Variants in LRP1B observed in about 807,000 individuals in gnomAD.
LRP1B encodes LDL receptor related protein 1B.
A neutral mutation model predicts 556.6 loss-of-function variants in LRP1B; 217 were observed. That is an observed-to-expected ratio of 0.39 (90% CI 0.35 to 0.44). LRP1B has a LOEUF of 0.44. LRP1B is among the 20% of genes least tolerant of loss of function. The probability of loss-of-function intolerance (pLI) is 1.00; values close to 1 mark genes in which losing one functional copy is unlikely to be tolerated. For missense variants in LRP1B, 5,053 were observed against 5,620.8 expected (o/e 0.90, Z 3.23); for synonymous variants, 2,047 against 1,865.8 (o/e 1.10, Z -2.50).
chr2:141,415,467 T>G (rs1372056430), intron 3 of LRP1B, among the ~76,000 whole-genome samples: 2 of 152,238 alleles, frequency 1.3e-5, no homozygotes. Flanking sequence ...TATATACTAT[T>G]GTGCCCAGAC....
intron 84 of LRP1B, among the ~76,000 whole-genome samples, chr2:140,277,916 G>T (rs2104959393): frequency 6.6e-6 from 1 of 151,846 alleles, no homozygotes; most frequent in East Asian, 2.0e-4. Flanking sequence ...TGTATGTCAA[G>T]AAACATACAC....
intron 1 of LRP1B, among the ~76,000 whole-genome samples, chr2:141,818,149 A>G (rs1337101518): frequency 1.3e-5 from 2 of 152,202 alleles, no homozygotes; most frequent in African/African-American, 4.8e-5. Context: ...AAAGAGAAAT[A>G]TGGTTATATT....
chr2:141,150,484 G>C (rs1456065688), intron 7 of LRP1B, among the ~76,000 whole-genome samples: 1 of 152,012 alleles, frequency 6.6e-6, no homozygotes, highest in Non-Finnish European at 1.5e-5. Flanking sequence ...AATCAACTTT[G>C]TCCATCTATG....
rs543205647 is a variant in LRP1B, at chr2:141,011,619, C to T, written c.2380+1937G>A. ...ATTCACCTAAGTTAATAAAAATTAT[C>T]AATCAGTTATTCTCAATACATTCAC... is the stretch of plus-strand genomic sequence containing the variant. On this transcript the variant is annotated intron_variant, in intron 14 of 90. Transcript: ENST00000389484. Among the ~76,000 whole-genome samples the T allele has an allele frequency of 6.6e-5, 10 of 152,072 alleles. No individual in the cohort carries two copies. The South Asian group carries it at 2.1e-3, about 32-fold the overall frequency.
At chr2:141,097,388 T>C (rs1201587396) in intron 7 of LRP1B, among the ~76,000 whole-genome samples, 1 of 152,090 alleles carries the variant, frequency 6.6e-6, no homozygotes, top group South Asian at 2.1e-4. Flanking sequence ...AAGCTTCTAT[T>C]AAGCAAGTAT....
At chr2:141,698,509 G>A (rs372726115) in intron 2 of LRP1B, among the ~76,000 whole-genome samples, 1 of 134,682 alleles carries the variant, frequency 7.4e-6, no homozygotes, top group Non-Finnish European at 1.6e-5. Context: ...AAAAAAAAAA[G>A]AGTTTGACTA....
intron 60 of LRP1B, among the ~76,000 whole-genome samples, chr2:140,467,477 T>C (rs1234342465): frequency 6.6e-6 from 1 of 151,426 alleles, no homozygotes; most frequent in Non-Finnish European, 1.5e-5. Context: ...CTGGGCCTGG[T>C]GGCAGGTGCC....
At chr2:141,396,580 C>G (rs1333726206) in intron 3 of LRP1B, among the ~76,000 whole-genome samples, 1 of 152,034 alleles carries the variant, frequency 6.6e-6, no homozygotes, top group Non-Finnish European at 1.5e-5. Context: ...CTTTGCTATG[C>G]CCTGACGTTC....
chr2:141,125,891 T>C (rs573511089), intron 7 of LRP1B, among the ~76,000 whole-genome samples: 32 of 129,794 alleles, frequency 2.5e-4, no homozygotes, highest in African/African-American at 8.3e-4. Context: ...CTTTTAAAAT[T>C]AATTTCTGTC....
intron 20 of LRP1B, among the ~76,000 whole-genome samples, chr2:140,928,480 C>A (rs1037409388): frequency 2.6e-5 from 4 of 152,076 alleles, no homozygotes; most frequent in African/African-American, 9.7e-5. Flanking sequence ...TGAATGTTTG[C>A]AGTTGGCAGG....
chr2:141,358,126 T>C (rs1360392013), intron 3 of LRP1B, among the ~76,000 whole-genome samples: 8 of 152,182 alleles, frequency 5.3e-5, no homozygotes, highest in African/African-American at 9.6e-5. Context: ...GAATATTAAG[T>C]TAGAGAAATG....
At chr2:141,143,399 C>T (rs1370693684) in intron 7 of LRP1B, among the ~76,000 whole-genome samples, 1 of 152,094 alleles carries the variant, frequency 6.6e-6, no homozygotes, top group East Asian at 1.9e-4. Context: ...TTATCCCCTA[C>T]CCAGTTTGAT....
At chr2:141,856,582 T>G (rs1381552789) in intron 1 of LRP1B, among the ~76,000 whole-genome samples, 1 of 152,158 alleles carries the variant, frequency 6.6e-6, no homozygotes, top group Non-Finnish European at 1.5e-5. Flanking sequence ...TATCCAGACT[T>G]CAACTATTTT....
intron 2 of LRP1B, among the ~76,000 whole-genome samples, chr2:141,516,355 C>T (rs1382512529): frequency 2.0e-5 from 3 of 152,108 alleles, no homozygotes; most frequent in Non-Finnish European, 4.4e-5. Context: ...TGATAATGAA[C>T]TGTTCTGATT....
intron 11 of LRP1B, among the ~76,000 whole-genome samples, chr2:141,020,420 C>T (rs1698031515): frequency 1.3e-5 from 2 of 151,966 alleles, no homozygotes; most frequent in Non-Finnish European, 2.9e-5. Flanking sequence ...AAAATGGGAA[C>T]ATACAAGTGA....
At chr2:142,125,153 A>G (rs1279791798) in intron 1 of LRP1B, among the ~76,000 whole-genome samples, 1 of 151,784 alleles carries the variant, frequency 6.6e-6, no homozygotes, top group African/African-American at 2.4e-5. Flanking sequence ...CCAGGGGAAA[A>G]AGGGAGGCCA....
chr2:140,806,034 G>C (rs552308358), intron 32 of LRP1B, among the ~76,000 whole-genome samples: 5 of 151,664 alleles, frequency 3.3e-5, no homozygotes, highest in African/African-American at 1.2e-4. Flanking sequence ...TGAAATTAGT[G>C]AACTTATAAA....
At chr2:141,149,874 ATTC>A (rs1298659035) in intron 7 of LRP1B, among the ~76,000 whole-genome samples, 1 of 152,238 alleles carries the variant, frequency 6.6e-6, no homozygotes, top group Non-Finnish European at 1.5e-5. Flanking sequence ...TATAGACAAG[ATTC>A]TCCAACACAG....
chr2:140,969,040 T>C (rs1260552787), intron 18 of LRP1B, among the ~76,000 whole-genome samples: 1 of 152,220 alleles, frequency 6.6e-6, no homozygotes, highest in Non-Finnish European at 1.5e-5. Context: ...TAGATGTCTA[T>C]TAGGTCCACT....
Sources: allele counts gnomAD v4.1 joint callset (sites outside exome capture counted in the v4.1 genomes callset), GRCh38; gene constraint gnomAD v4.1.1; transcripts MANE v1.5; gene names NCBI Gene and HGNC (gene_info 2026-07-23, HGNC 2026-07-21).